ZNF451: variants seen among roughly 807,000 people sequenced by gnomAD.
ZNF451 encodes E3 SUMO-protein ligase ZNF451.
A neutral mutation model predicts 107.1 loss-of-function variants in ZNF451; 80 were observed. That is an observed-to-expected ratio of 0.75 (90% confidence interval 0.62 to 0.90). The LOEUF (loss-of-function observed/expected upper bound fraction) is 0.90. Ranked by LOEUF, ZNF451 falls within the 40% of genes least tolerant of loss-of-function variation. The probability of loss-of-function intolerance (pLI) is 0.00; values close to 1 mark genes in which losing one functional copy is unlikely to be tolerated. For synonymous variants in ZNF451, 362 were observed against 406.5 expected (o/e 0.89, Z 1.32); for missense variants, 1,107 against 1,236.2 (o/e 0.90, Z 1.57).
chr6:57,129,154 G>A (rs542430737), intron 5 of ZNF451, among the ~76,000 whole-genome samples: 7 of 152,088 alleles, frequency 4.6e-5, no homozygotes, highest in Admixed American at 1.3e-4. Flanking sequence ...GTGTGTAACA[G>A]ATTATTTGAG....
At chr6:57,111,371 GTT>G (rs372422404) in intron 3 of ZNF451, among the ~76,000 whole-genome samples, 15 of 133,312 alleles carry the variant, frequency 1.1e-4, no homozygotes, top group African/African-American at 1.4e-4. Context: ...GGGTTTTTTT[GTT>G]TTTTTTTTTT....
At chr6:57,161,303 T>A in intron 14 of ZNF451, 151 bp downstream of exon 14, 1 of 481,820 alleles carries the variant, frequency 2.1e-6, no homozygotes. Flanking sequence ...ATTTTTCATG[T>A]AAGATGACTT....
At chr6:57,094,467 C>G (rs1829196705) in intron 2 of ZNF451, among the ~76,000 whole-genome samples, 1 of 152,056 alleles carries the variant, frequency 6.6e-6, no homozygotes, top group South Asian at 2.1e-4. Context: ...CTCCACCATG[C>G]CCTGCTTAGA....
chr6:57,093,492 G>A (rs1829147401), intron 2 of ZNF451, among the ~76,000 whole-genome samples: 1 of 152,198 alleles, frequency 6.6e-6, no homozygotes, highest in Non-Finnish European at 1.5e-5. Context: ...CGTGAGTTAA[G>A]TTCCTTAGAG....
At chr6:57,109,798 A>G in intron 3 of ZNF451, 2 of 769,248 alleles carry the variant, frequency 2.6e-6, no homozygotes, top group Non-Finnish European at 3.2e-6. Flanking sequence ...TAGAGTGTAT[A>G]TGTATGTGTA....
At chr6:57,124,463 G>T (rs768788473) in intron 3 of ZNF451, 2 of 716,714 alleles carry the variant, frequency 2.8e-6, no homozygotes, top group South Asian at 3.0e-5. Flanking sequence ...CTACCTCTCT[G>T]ACAGATCTGA....
chr6:57,152,422 T>C, intron 12 of ZNF451, 71 bp downstream of exon 12: 5 of 1,555,302 alleles, frequency 3.2e-6, no homozygotes, highest in Non-Finnish European at 3.5e-6. Context: ...CCACTTGAAT[T>C]GTAATGAGAC....
chr6:57,154,146 C>A, intron 13 of ZNF451, 99 bp downstream of exon 13: 1 of 1,140,660 alleles, frequency 8.8e-7, no homozygotes, highest in Non-Finnish European at 1.3e-6. Flanking sequence ...CTGTTGCCTG[C>A]TTGCTAAACC....
chr6:57,098,346 CTT>C (rs1359063143), intron 2 of ZNF451, among the ~76,000 whole-genome samples: 1 of 151,748 alleles, frequency 6.6e-6, no homozygotes, highest in East Asian at 2.0e-4. Context: ...TAATCAATCT[CTT>C]TTAGTTTTCC....
At chr6:57,134,683 T>A in intron 6 of ZNF451, 61 bp from the exon 7 acceptor site, 1 of 1,511,230 alleles carries the variant, frequency 6.6e-7, no homozygotes, top group Non-Finnish European at 9.0e-7. Flanking sequence ...TGAAGCGACA[T>A]AGTTGTTTCC....
intron 3 of ZNF451, among the ~76,000 whole-genome samples, chr6:57,112,788 T>A (rs989805700): frequency 6.6e-6 from 1 of 152,206 alleles, no homozygotes; most frequent in African/African-American, 2.4e-5. Flanking sequence ...TCATAATATA[T>A]TCATATTTCT....
At chr6:57,101,857 G>A (rs1829612879) in intron 3 of ZNF451, 1 of 1,550,380 alleles carries the variant, frequency 6.5e-7, no homozygotes, top group Admixed American at 2.0e-5. Flanking sequence ...GCCCTTTGAT[G>A]GTACTTCCCT....
rs1428670329 is a variant in ZNF451 at position 57,170,037 on chromosome 6, T to C, written c.*1568T>C. ...CACTGATGCTCTATTAAGAAGCTTTTGTGGTGTGTGTGGTAGAGAATAATT... is the reference window on the plus strand; with the variant it reads ...CACTGATGCTCTATTAAGAAGCTTTCGTGGTGTGTGTGGTAGAGAATAATT... On this transcript the variant is annotated 3_prime_UTR_variant, in exon 15 of 15. Coordinates refer to ENST00000370706, the MANE Select transcript of ZNF451 (RefSeq NM_001031623.3). 8.4e-6 allele frequency: 1 copy of C among 119,044 alleles called. No homozygotes were observed. Among genetic ancestry groups the C allele is most frequent in the Non-Finnish European group, 1.7e-5 (1 of 57,308 alleles). 7.4% of individuals were successfully genotyped at this position (119,044 alleles called of 1,614,324 possible). A position where few individuals can be genotyped will look rare whatever the true frequency, so the allele number is the denominator to read the frequency against.
At chr6:57,124,995 A>G in intron 4 of ZNF451, 136 bp downstream of exon 4, 1 of 428,734 alleles carries the variant, frequency 2.3e-6, no homozygotes, top group Non-Finnish European at 3.8e-6. Flanking sequence ...TGAATTTAGT[A>G]GTAATTCATA....
chr6:57,158,919 T>A, intron 13 of ZNF451: 1 of 985,446 alleles, frequency 1.0e-6, no homozygotes, highest in Non-Finnish European at 1.2e-6. Context: ...TTTAAATCCA[T>A]CTTACATATA....
chr6:57,123,294 G>A (rs980799556), intron 3 of ZNF451, among the ~76,000 whole-genome samples: 3 of 152,166 alleles, frequency 2.0e-5, no homozygotes, highest in Non-Finnish European at 4.4e-5. Context: ...AGAAAATGTG[G>A]TATATGTACA....
Position 57,161,094 on chromosome 6 carries a change from T to A in ZNF451, c.3081T>A (p.Ser1027Arg). The A allele has an allele frequency of 6.4e-7, 1 of 1,559,666 alleles. No homozygotes were observed. Among genetic ancestry groups the A allele is most frequent in the Non-Finnish European group, 8.6e-7 (1 of 1,158,966 alleles). Residue 1027 changes from serine to arginine, a missense_variant, in exon 14 of 15, where the codon AGT becomes AGA. By Grantham distance (110) the Ser-to-Arg change is moderately radical (BLOSUM62 -1). This residue lies in a region of ZNF451 where 151 missense variants were observed against 173.3 expected (regional missense o/e 0.87). Coordinates refer to ENST00000370706, the MANE Select transcript of ZNF451 (RefSeq NM_001031623.3). ...SISDTTKECD[S>R]DDNMGAKNTS... ...GATTCTTCTTTACAGAATGTGACAG[T>A]GATGATAACATGGGTGCCAAAAATA...
At chr6:57,115,279 CTAAT>C (rs1298840257) in intron 3 of ZNF451, 5 of 152,064 alleles carry the variant, frequency 3.3e-5, no homozygotes, top group Non-Finnish European at 1.5e-5. Context: ...AAAAAAGTAT[CTAAT>C]TGATTGATCT....
chr6:57,106,152 G>A lies in ZNF451; in HGVS notation c.186+7011G>A, dbSNP rs1482597942. On this transcript the variant is annotated intron_variant, in intron 3 of 14. Transcript: ENST00000370706. The stretch of plus-strand genomic sequence containing the variant: ...AAGGAGGTTGAAAAAGACACATTCC[G>A]GAATCCCTTTGTCTGGTAAAATTGG... The A allele has an allele frequency of 9.1e-6, 9 of 985,228 alleles. No homozygotes were observed. The African/African-American group carries it at 1.2e-4, about 13-fold the overall frequency. The allele number at this position is 985,228 out of a possible 1,614,324, so 61.0% of individuals were successfully genotyped here. A position where few individuals can be genotyped will look rare whatever the true frequency, so the allele number is the denominator to read the frequency against.
Sources: gnomAD v4.1 joint callset for allele counts (sites outside exome capture counted in the v4.1 genomes callset) on GRCh38, gnomAD v4.1.1 for gene constraint, gnomAD v4.1.1 regional missense constraint, MANE v1.5 for transcripts, NCBI Gene and HGNC (gene_info 2026-07-23, HGNC 2026-07-21) for gene names.